Variants in FAAH2 observed in about 807,000 individuals in gnomAD.
The protein encoded by FAAH2 is fatty-acid amide hydrolase 2.
A neutral mutation model predicts 36.9 loss-of-function variants in FAAH2; 60 were observed. That is an observed-to-expected ratio of 1.63 (90% confidence interval 1.32 to 2.02). The LOEUF is 2.02. FAAH2 is among the 30% of genes most tolerant of loss of function. FAAH2 has a pLI of 0.00. For synonymous variants in FAAH2, 214 were observed against 143.8 expected (o/e 1.49, Z -3.49); for missense variants, 689 against 397.5 (o/e 1.73, Z -6.23).
the FAAH2 span, among the ~76,000 whole-genome samples, chrX:57,238,720 G>C: frequency 8.9e-6 from 1 of 111,787 alleles, no homozygotes; most frequent in Non-Finnish European, 1.9e-5. Context: ...TGCACGTCAG[G>C]CTTTGATGTA....
At chrX:57,222,379 C>G in the FAAH2 span, among the ~76,000 whole-genome samples, 1 of 111,406 alleles carries the variant, frequency 9.0e-6, no homozygotes, top group Non-Finnish European at 1.9e-5. Flanking sequence ...CTTTCTCCCT[C>G]TATATCGACA....
At chrX:57,446,560 T>C (rs1332653965) in intron 8 of FAAH2, among the ~76,000 whole-genome samples, 1 of 112,111 alleles carries the variant, frequency 8.9e-6, no homozygotes, top group Non-Finnish European at 1.9e-5. Flanking sequence ...CTCGTACTCA[T>C]TATCAGTCAC....
At chrX:57,314,431 A>C (rs1327227562) in intron 3 of FAAH2, among the ~76,000 whole-genome samples, 1 of 111,747 alleles carries the variant, frequency 8.9e-6, no homozygotes, top group Non-Finnish European at 1.9e-5. Flanking sequence ...AAACCATGGA[A>C]TATACATTCA....
chrX:57,420,572 T>C (rs1319281329), intron 7 of FAAH2, among the ~76,000 whole-genome samples: 1 of 110,776 alleles, frequency 9.0e-6, no homozygotes, highest in African/African-American at 3.3e-5. Flanking sequence ...ATTGATTTTG[T>C]ATCCTGAGAC....
the FAAH2 span, among the ~76,000 whole-genome samples, chrX:57,205,234 G>A: frequency 2.7e-5 from 3 of 112,716 alleles, no homozygotes; most frequent in Non-Finnish European, 3.8e-5. Flanking sequence ...AATAGTTTTA[G>A]CTTCTTTCCA....
At chrX:57,300,865 C>G (rs1466205735) in intron 2 of FAAH2, among the ~76,000 whole-genome samples, 1 of 112,217 alleles carries the variant, frequency 8.9e-6, no homozygotes, top group South Asian at 3.7e-4. Context: ...AAAAAATGCT[C>G]ATCATCACTG....
chrX:57,438,181 G>A (rs1220741315), intron 8 of FAAH2, among the ~76,000 whole-genome samples: 1 of 104,550 alleles, frequency 9.6e-6, no homozygotes, highest in Non-Finnish European at 2.0e-5. Context: ...ACAGTAGTTT[G>A]TAGTTTTACT....
chrX:57,371,484 T>A, intron 5 of FAAH2, among the ~76,000 whole-genome samples: 1 of 111,667 alleles, frequency 9.0e-6, no homozygotes, highest in Middle Eastern at 4.6e-3. Flanking sequence ...CAATCCACCA[T>A]TGATGGGCAC....
intron 5 of FAAH2, among the ~76,000 whole-genome samples, chrX:57,371,632 T>C (rs1468549065): frequency 1.6e-5 from 1 of 61,453 alleles, no homozygotes; most frequent in African/African-American, 3.7e-5. Context: ...CACAGTTCTA[T>C]TTTTTGGGGG....
chrX:57,354,340 T>C (rs2054106602), intron 5 of FAAH2, among the ~76,000 whole-genome samples: 1 of 110,769 alleles, frequency 9.0e-6, no homozygotes. Context: ...GAAAGATAAG[T>C]ATTACGTGTT....
At chrX:57,264,063 C>T in the FAAH2 span, among the ~76,000 whole-genome samples, 1 of 111,630 alleles carries the variant, frequency 9.0e-6, no homozygotes, top group South Asian at 3.7e-4. Flanking sequence ...AAACCCCACT[C>T]CTAGAAATTA....
the FAAH2 span, among the ~76,000 whole-genome samples, chrX:57,174,678 A>G: frequency 9.0e-6 from 1 of 110,785 alleles, no homozygotes; most frequent in South Asian, 3.8e-4. Flanking sequence ...CAGGTTGTCA[A>G]TTTGTGATCA....
chrX:57,443,990 A>C lies in FAAH2; in HGVS notation c.1117-2938A>C, dbSNP rs919594102. ...CCTCTGGAAGCTTCATCTCAGGGGC[A>C]TCCAGCTCTGTAAGATGTCAGTCAG... On this transcript the variant is annotated intron_variant, in intron 8 of 10. Coordinates refer to ENST00000374900, the MANE Select transcript of FAAH2 (RefSeq NM_174912.4). Among the ~76,000 whole-genome samples the C allele has an allele frequency of 2.7e-5, 3 of 111,641 alleles. No individual in the cohort carries two copies. In the Admixed American group the frequency reaches 2.9e-4, roughly 11 times the overall value.
At chrX:57,448,765 A>G in intron 10 of FAAH2, 47 bp downstream of exon 10, 1 of 1,110,541 alleles carries the variant, frequency 9.0e-7, no homozygotes, top group South Asian at 2.0e-5. Flanking sequence ...AGAAATAGAG[A>G]TGTATGTTTC....
chrX:57,192,719 T>A, the FAAH2 span, among the ~76,000 whole-genome samples: 6 of 111,924 alleles, frequency 5.4e-5, no homozygotes, highest in Admixed American at 2.8e-4. Context: ...AGCACGTGGA[T>A]TGTGAAGATT....
At chrX:57,376,392 C>G (rs2054679033) in intron 5 of FAAH2, among the ~76,000 whole-genome samples, 1 of 111,128 alleles carries the variant, frequency 9.0e-6, no homozygotes, top group Non-Finnish European at 1.9e-5. Context: ...CCTAGCCCTT[C>G]ACCCTCTGAC....
the FAAH2 span, among the ~76,000 whole-genome samples, chrX:57,258,478 A>G: frequency 2.7e-5 from 3 of 111,262 alleles, no homozygotes; most frequent in African/African-American, 9.8e-5. Flanking sequence ...GCTTCACTGT[A>G]AAGGAAACCA....
intron 7 of FAAH2, among the ~76,000 whole-genome samples, chrX:57,389,652 G>A (rs1475440411): frequency 9.1e-6 from 1 of 110,024 alleles, no homozygotes; most frequent in Non-Finnish European, 1.9e-5. Flanking sequence ...TAATATCTTA[G>A]CAATTATATA....
the FAAH2 span, among the ~76,000 whole-genome samples, chrX:57,181,958 A>G: frequency 8.9e-6 from 1 of 111,942 alleles, no homozygotes; most frequent in African/African-American, 3.2e-5. Flanking sequence ...GGCAAAGCTA[A>G]CAAAAACAAG....
Sources: allele counts gnomAD v4.1 joint callset (sites outside exome capture counted in the v4.1 genomes callset), GRCh38; gene constraint gnomAD v4.1.1; transcripts MANE v1.5; gene names NCBI Gene and HGNC (gene_info 2026-07-23, HGNC 2026-07-21).